The following DCLK2 variants were observed in gnomAD, a reference collection of about 807,000 sequenced individuals.
The protein encoded by DCLK2 is serine/threonine-protein kinase DCLK2.
DCLK2 carries 31 observed loss-of-function variants against 78.4 expected under a neutral mutation model. That is an observed-to-expected ratio of 0.40 (90% confidence interval 0.30 to 0.53). The LOEUF (loss-of-function observed/expected upper bound fraction) is 0.53. Among genes scored for constraint, DCLK2 ranks in the 20% least tolerant of loss-of-function variants. The pLI is 0.61. For missense variants in DCLK2, 872 were observed against 973.7 expected (o/e 0.90, Z 1.39); for synonymous variants, 407 against 374.9 (o/e 1.09, Z -0.99).
rs144625494 is a variant in DCLK2, at chr4:150,229,220, C to A, written c.1300-3117C>A. Among the ~76,000 whole-genome samples, 1,437 of 152,130 alleles carry A rather than the reference C, an allele frequency of 9.4e-3. 23 individuals carry two copies. The highest frequency in any genetic ancestry group is 0.033 in the African/African-American group (1,368 of 41,492). ...GTGCACACCTGTGGTCCCAGCTACTCAGGAGGCTGAGGCGGGAAGATTGCT... is the reference window on the plus strand; with the variant it reads ...GTGCACACCTGTGGTCCCAGCTACTAAGGAGGCTGAGGCGGGAAGATTGCT... On this transcript the variant is annotated intron_variant, in intron 8 of 15. Transcript: ENST00000296550.
chr4:150,156,140 T>C (rs2150235717), intron 2 of DCLK2, among the ~76,000 whole-genome samples: 1 of 152,120 alleles, frequency 6.6e-6, no homozygotes, highest in South Asian at 2.1e-4. Context: ...TTGCTGGTGA[T>C]TAGGAACCTC....
intron 2 of DCLK2, among the ~76,000 whole-genome samples, chr4:150,184,557 A>G (rs1179633902): frequency 1.3e-5 from 2 of 151,540 alleles, no homozygotes; most frequent in East Asian, 3.9e-4. Context: ...TCAATGGGTC[A>G]GGAAATGGGT....
rs1414947098 is a variant in DCLK2 at position 150,078,677 on chromosome 4, G to A, written c.-351G>A. ...GCCCGCGGGCCCAGCGCGAGCCTCG[G>A]GCGGCCCAACTTTGCCTCTCCCGGT... is the stretch of plus-strand genomic sequence containing the variant. On this transcript the variant is annotated 5_prime_UTR_variant, in exon 1 of 16. Coordinates refer to ENST00000296550, the MANE Select transcript of DCLK2 (RefSeq NM_001040260.4). 5.2e-5 allele frequency: 9 copies of A among 172,406 alleles called. No individual in the cohort carries two copies. Among genetic ancestry groups the A allele is most frequent in the Non-Finnish European group, 7.3e-5 (6 of 81,780 alleles). The allele number at this position is 172,406 out of a possible 1,614,324, so 10.7% of individuals were successfully genotyped here.
chr4:150,242,880 T>C (rs1743029679), intron 12 of DCLK2, among the ~76,000 whole-genome samples: 1 of 152,268 alleles, frequency 6.6e-6, no homozygotes, highest in Admixed American at 6.5e-5. Context: ...CACCGGGCCT[T>C]GGCTGGTCTC....
intron 8 of DCLK2, among the ~76,000 whole-genome samples, chr4:150,229,337 A>G (rs1741864078): frequency 6.6e-6 from 1 of 152,134 alleles, no homozygotes; most frequent in Non-Finnish European, 1.5e-5. Context: ...AAAAAAAGAA[A>G]ACTACCTGTG....
intron 2 of DCLK2, among the ~76,000 whole-genome samples, chr4:150,127,550 G>A (rs1236988077): frequency 2.6e-5 from 4 of 152,150 alleles, no homozygotes; most frequent in African/African-American, 9.7e-5. Flanking sequence ...CATATTTAAG[G>A]ATATATGGGG....
chr4:150,231,430 C>T (rs1742049196), intron 8 of DCLK2, among the ~76,000 whole-genome samples: 1 of 152,168 alleles, frequency 6.6e-6, no homozygotes, highest in South Asian at 2.1e-4. Context: ...GTTATTTATT[C>T]ATTTGTTATA....
intron 11 of DCLK2, 118 bp from the exon 12 acceptor site, chr4:150,240,281 A>G (rs1742817559): frequency 3.5e-6 from 3 of 853,266 alleles, no homozygotes; most frequent in South Asian, 3.7e-5. Context: ...GTGAAATGAA[A>G]TGAATAATTT....
At chr4:150,209,258 A>G (rs1030864581) in intron 5 of DCLK2, among the ~76,000 whole-genome samples, 4 of 152,156 alleles carry the variant, frequency 2.6e-5, no homozygotes, top group African/African-American at 9.6e-5. Context: ...ACTTTCCTGA[A>G]GGTCAGGGCT....
chr4:150,085,608 T>G (rs1428313943), intron 1 of DCLK2, among the ~76,000 whole-genome samples: 2 of 152,152 alleles, frequency 1.3e-5, no homozygotes, highest in Non-Finnish European at 1.5e-5. Flanking sequence ...GGGAGATGTG[T>G]TCAACCCACA....
At chr4:150,184,014 G>A (rs10029811) in intron 2 of DCLK2, among the ~76,000 whole-genome samples, 27,625 of 151,854 alleles carry the variant, frequency 0.18, 2,683 homozygotes, top group Non-Finnish European at 0.22. Flanking sequence ...GATTACAGGC[G>A]TGAGCCACCA....
intron 5 of DCLK2, among the ~76,000 whole-genome samples, chr4:150,209,326 C>T (rs1188299130): frequency 6.6e-6 from 1 of 152,192 alleles, no homozygotes; most frequent in Non-Finnish European, 1.5e-5. Flanking sequence ...CACAGCCTCT[C>T]TCACCTCAGT....
At chr4:150,232,661 G>T (rs746959471) in intron 9 of DCLK2, 21 bp from the exon 10 acceptor site, 4 of 1,612,122 alleles carry the variant, frequency 2.5e-6, no homozygotes, top group South Asian at 1.1e-5. Flanking sequence ...GCTTTGATAT[G>T]TTCTTTTATG....
At position 150,256,413 on chromosome 4, in the gene DCLK2, T is replaced by C. The variant is rs1744575665; in HGVS notation, c.*166T>C. On this transcript the variant is annotated 3_prime_UTR_variant, in exon 16 of 16. Coordinates refer to ENST00000296550, the MANE Select transcript of DCLK2 (RefSeq NM_001040260.4). ...AACCGGAGCCTGGCGTGCCGGAGCCTGGCCTGGTGCTCTGGGCTCTGCCTT... is the reference window on the plus strand; with the variant it reads ...AACCGGAGCCTGGCGTGCCGGAGCCCGGCCTGGTGCTCTGGGCTCTGCCTT... 1.1e-6 allele frequency: 1 copy of C among 914,276 alleles called. No homozygotes were observed. Among genetic ancestry groups the C allele is most frequent in the Non-Finnish European group, 1.6e-6 (1 of 631,452 alleles). 56.6% of individuals were successfully genotyped at this position (914,276 alleles called of 1,614,324 possible).
chr4:150,233,608 G>A (rs1174174423), intron 10 of DCLK2, among the ~76,000 whole-genome samples: 2 of 152,100 alleles, frequency 1.3e-5, no homozygotes, highest in Non-Finnish European at 2.9e-5. Context: ...CTTTACTAAA[G>A]GCATGGAAAC....
chr4:150,160,990 T>A (rs1735665305), intron 2 of DCLK2, among the ~76,000 whole-genome samples: 2 of 152,084 alleles, frequency 1.3e-5, no homozygotes, highest in Admixed American at 6.6e-5. Context: ...CCCTGTAACT[T>A]AAAAAAACAA....
rs927686973 is a variant in DCLK2, at chr4:150,125,573, T to A, written c.756+22761T>A. On this transcript the variant is annotated intron_variant, in intron 2 of 15. Transcript: ENST00000296550. The stretch of plus-strand genomic sequence containing the variant: ...TGTCTACCCTATGTTTATAACTATC[T>A]AAAAATGACTATCTAAAAATAGTTA... Among the ~76,000 whole-genome samples the A allele has an allele frequency of 5.9e-5, 9 of 152,144 alleles. No individual in the cohort carries two copies. In the South Asian group the frequency reaches 1.4e-3, roughly 24 times the overall value.
chr4:150,230,268 C>T (rs1441041961), intron 8 of DCLK2, among the ~76,000 whole-genome samples: 2 of 152,150 alleles, frequency 1.3e-5, no homozygotes, highest in Admixed American at 6.5e-5. Context: ...TTCTGTTGTG[C>T]CTTTTATTGA....
At chr4:150,090,292 G>A (rs879659739) in intron 1 of DCLK2, among the ~76,000 whole-genome samples, 1 of 152,212 alleles carries the variant, frequency 6.6e-6, no homozygotes, top group Non-Finnish European at 1.5e-5. Context: ...TGTAATCCCA[G>A]CTACTCGGGA....
Sources: gnomAD v4.1 joint callset for allele counts (sites outside exome capture counted in the v4.1 genomes callset) on GRCh38, gnomAD v4.1.1 for gene constraint, MANE v1.5 for transcripts, NCBI Gene and HGNC (gene_info 2026-07-23, HGNC 2026-07-21) for gene names.